Variants in TTC39B observed in about 807,000 individuals in gnomAD.
TTC39B encodes tetratricopeptide repeat domain 39B.
TTC39B carries 92 observed loss-of-function variants against 96.6 expected under a neutral mutation model. The observed-to-expected ratio is 0.95, with a 90% CI of 0.80 to 1.13. The LOEUF (loss-of-function observed/expected upper bound fraction) is 1.13, where lower values mean the gene tolerates loss of function less well. Among genes scored for constraint, TTC39B ranks in the 50% most tolerant of loss-of-function variants. The pLI, the probability that TTC39B is intolerant of heterozygous loss-of-function variation, is 0.00. For missense variants in TTC39B, 955 were observed against 809.3 expected (o/e 1.18, Z -2.18); for synonymous variants, 367 against 299.4 (o/e 1.23, Z -2.33).
chr9:15,256,529 G>T (rs1295145965), intron 2 of TTC39B, among the ~76,000 whole-genome samples: 1 of 152,164 alleles, frequency 6.6e-6, no homozygotes, highest in African/African-American at 2.4e-5. Flanking sequence ...CAGACCCATC[G>T]TTATAGAACT....
At chr9:15,260,733 T>C (rs1393096744) in intron 2 of TTC39B, among the ~76,000 whole-genome samples, 2 of 152,192 alleles carry the variant, frequency 1.3e-5, no homozygotes, top group African/African-American at 4.8e-5. Context: ...TAAAACAAAA[T>C]ATTTTTATAC....
rs58177069 is a variant in TTC39B at position 15,226,136 on chromosome 9, T to C, written c.276-124A>G. On this transcript the variant is annotated intron_variant, in intron 2 of 19. Coordinates refer to ENST00000512701, the Ensembl canonical transcript of TTC39B. ...TTATACATCTTACCTCCATTTCTTA[T>C]CAATTTTAAAAATCAAGTAACAAAA... The C allele has an allele frequency of 1.1e-5, 8 of 708,062 alleles. No individual in the cohort carries two copies. In the East Asian group the frequency reaches 1.2e-4, roughly 11 times the overall value. The allele number at this position is 708,062 out of a possible 1,614,324, so 43.9% of individuals were successfully genotyped here.
At chr9:15,268,070 G>T in intron 1 of TTC39B, 122 bp from the exon 2 acceptor site, 2 of 734,416 alleles carry the variant, frequency 2.7e-6, no homozygotes, top group Non-Finnish European at 2.2e-6. Context: ...GGTATAGCAG[G>T]CAGTAGAATC....
chr9:15,249,892 C>T lies in TTC39B; in HGVS notation c.275+18022G>A. The T allele has an allele frequency of 4.8e-6, 6 of 1,241,682 alleles. No individual in the cohort carries two copies. The South Asian group carries it at 7.1e-5, about 15-fold the overall frequency. The allele number at this position is 1,241,682 out of a possible 1,614,324, so 76.9% of individuals were successfully genotyped here. A position where few individuals can be genotyped will look rare whatever the true frequency, so the allele number is the denominator to read the frequency against. ...AACATTTGAATCATAAACCCAGGAA[C>T]TGCTAAATAAATATGACATACTCAC... On this transcript the variant is annotated intron_variant, in intron 2 of 19. Transcript: ENST00000512701.
intron 14 of TTC39B, among the ~76,000 whole-genome samples, chr9:15,187,545 G>A (rs578142752): frequency 1.5e-4 from 23 of 152,184 alleles, no homozygotes; most frequent in Admixed American, 1.1e-3. Flanking sequence ...CTGTAGCCTC[G>A]AACTCTTGGA....
At chr9:15,199,081 G>A (rs965259107) in intron 8 of TTC39B, among the ~76,000 whole-genome samples, 4 of 152,120 alleles carry the variant, frequency 2.6e-5, no homozygotes, top group Non-Finnish European at 4.4e-5. Flanking sequence ...GGAAGAAAGG[G>A]ATGACTCCAG....
chr9:15,289,729 T>C (rs1272374615), intron 1 of TTC39B, among the ~76,000 whole-genome samples: 1 of 152,244 alleles, frequency 6.6e-6, no homozygotes, highest in Non-Finnish European at 1.5e-5. Context: ...TATTTCCTTT[T>C]GTTCACTCGT....
chr9:15,241,660 T>C (rs1337865957), intron 2 of TTC39B, among the ~76,000 whole-genome samples: 4 of 151,880 alleles, frequency 2.6e-5, no homozygotes, highest in Admixed American at 6.6e-5. Flanking sequence ...TGAATCCTGA[T>C]ACAACTTAAG....
chr9:15,250,777 T>C (rs1296313478), intron 2 of TTC39B, among the ~76,000 whole-genome samples: 1 of 152,218 alleles, frequency 6.6e-6, no homozygotes, highest in East Asian at 1.9e-4. Flanking sequence ...TTTAAATAGA[T>C]AAAAGCTCTC....
intron 4 of TTC39B, among the ~76,000 whole-genome samples, chr9:15,213,233 CAG>C (rs1318693080): frequency 6.6e-6 from 1 of 151,960 alleles, no homozygotes; most frequent in Non-Finnish European, 1.5e-5. Flanking sequence ...GTCTGAGGGA[CAG>C]AGGAGGACAG....
At chr9:15,291,261 G>C (rs1316863992) in intron 1 of TTC39B, among the ~76,000 whole-genome samples, 8 of 152,310 alleles carry the variant, frequency 5.3e-5, no homozygotes, top group African/African-American at 1.7e-4. Context: ...GACCCAGTGG[G>C]AGGGAATTGA....
At chr9:15,183,432 G>T in intron 16 of TTC39B, 2 of 255,012 alleles carry the variant, frequency 7.8e-6, no homozygotes, top group Non-Finnish European at 1.6e-5. Flanking sequence ...GAGACTTTAT[G>T]AAAAACAGGC....
exon 5 of TTC39B, chr9:15,211,321 G>C (rs768912001): frequency 5.0e-6 from 8 of 1,594,166 alleles, no homozygotes; most frequent in Non-Finnish European, 6.8e-6. Context: ...TGGATGTCCT[G>C]TTGCTCGAAG....
intron 3 of TTC39B, among the ~76,000 whole-genome samples, chr9:15,225,346 CTT>C (rs926850209): frequency 1.8e-4 from 27 of 152,202 alleles, no homozygotes; most frequent in African/African-American, 6.0e-4. Context: ...ATTTCATTCT[CTT>C]TGTGCTTTCT....
intron 3 of TTC39B, among the ~76,000 whole-genome samples, chr9:15,220,826 T>A (rs967265387): frequency 6.6e-6 from 1 of 152,144 alleles, no homozygotes; most frequent in African/African-American, 2.4e-5. Context: ...TGTCTGATGT[T>A]TCCTCATGAT....
intron 1 of TTC39B, among the ~76,000 whole-genome samples, chr9:15,284,009 C>T (rs551370622): frequency 6.6e-6 from 1 of 152,150 alleles, no homozygotes; most frequent in African/African-American, 2.4e-5. Context: ...CTAAGACAAG[C>T]AACTGGCTAG....
intron 2 of TTC39B, among the ~76,000 whole-genome samples, chr9:15,250,816 C>A (rs550911927): frequency 2.6e-5 from 4 of 152,336 alleles, no homozygotes; most frequent in African/African-American, 9.6e-5. Flanking sequence ...GTTGACTTCA[C>A]AAATTTCTTA....
At chr9:15,209,594 C>A (rs1820068937) in intron 6 of TTC39B, among the ~76,000 whole-genome samples, 1 of 152,184 alleles carries the variant, frequency 6.6e-6, no homozygotes, top group Admixed American at 6.5e-5. Flanking sequence ...GGTTCTTCCA[C>A]TTTTAGGAAT....
chr9:15,226,971 G>GTT (rs33927103), intron 2 of TTC39B, among the ~76,000 whole-genome samples: 1 of 151,968 alleles, frequency 6.6e-6, no homozygotes, highest in African/African-American at 2.4e-5. Context: ...AGTTTTGCGT[G>GTT]TTTTTTTGTG....
Sources: gnomAD v4.1 joint callset for allele counts (sites outside exome capture counted in the v4.1 genomes callset) on GRCh38, gnomAD v4.1.1 for gene constraint, MANE v1.5 for transcripts, NCBI Gene and HGNC (gene_info 2026-07-23, HGNC 2026-07-21) for gene names.